The following EGLN2 variants were observed in gnomAD, a reference collection of about 807,000 sequenced individuals.
EGLN2 encodes the protein prolyl hydroxylase EGLN2.
A neutral mutation model predicts 38.2 loss-of-function variants in EGLN2; 15 were observed. The observed-to-expected ratio is 0.39, with a 90% CI of 0.26 to 0.60. The LOEUF (loss-of-function observed/expected upper bound fraction) is 0.60, where lower values mean the gene tolerates loss of function less well. Ranked by LOEUF, EGLN2 falls within the 20% of genes least tolerant of loss-of-function variation. The pLI is 0.50. For missense variants in EGLN2, 492 were observed against 570.4 expected (o/e 0.86, Z 1.40); for synonymous variants, 284 against 237.4 (o/e 1.20, Z -1.81).
Position 40,807,794 on chromosome 19 carries a change from C to T in EGLN2, c.1169-15C>T, listed in dbSNP as rs774310360. On this transcript the variant is annotated splice_polypyrimidine_tract_variant and intron_variant, in intron 5 of 5. Coordinates refer to ENST00000303961, the MANE Select transcript of EGLN2 (RefSeq NM_080732.4). ...TTCTGATGACTCACTGTCTCCTGTC[C>T]CCTCTCACCCCCAGCATCAGGACAG... The T allele has an allele frequency of 1.9e-6, 3 of 1,613,826 alleles. No individual in the cohort carries two copies. The African/African-American group carries it at 4.0e-5, about 22-fold the overall frequency.
At position 40,800,395 on chromosome 19, in the gene EGLN2, G is replaced by T; in HGVS notation, c.-178G>T. On this transcript the variant is annotated 5_prime_UTR_variant, in exon 2 of 6. Coordinates refer to ENST00000303961, the MANE Select transcript of EGLN2 (RefSeq NM_080732.4). The stretch of plus-strand genomic sequence containing the variant: ...GGGACCGCAGAGGACTTGGGGACCA[G>T]CAAGCAACCCCCAGGGCACGAGAAG... The T allele has an allele frequency of 1.0e-6, 1 of 981,768 alleles. No homozygotes were observed. Among genetic ancestry groups the T allele is most frequent in the Non-Finnish European group, 1.4e-6 (1 of 690,390 alleles). The allele number at this position is 981,768 out of a possible 1,614,324, so 60.8% of individuals were successfully genotyped here.
intron 4 of EGLN2, 88 bp from the exon 5 acceptor site, chr19:40,807,396 G>T: frequency 6.2e-7 from 1 of 1,603,664 alleles, no homozygotes; most frequent in Non-Finnish European, 8.5e-7. Flanking sequence ...GAGCAGAACC[G>T]GGTGGCTCAA....
At position 40,800,860 on chromosome 19, in the gene EGLN2, T is replaced by C. The variant is rs2083251081; in HGVS notation, c.288T>C (p.Ala96=). ...TGCGGCCGCTGCAGAGTGAAGGCGC[T>C]GCAGCGCTGGTCACCAAGGGGTGCC... ...GELRPLQSEG[A]AALVTKGCQR... Residue 96 remains alanine, a synonymous_variant, in exon 2 of 6, where the codon GCT becomes GCC. Transcript: ENST00000303961. The C allele has an allele frequency of 1.2e-6, 2 of 1,612,550 alleles. No homozygotes were observed. Among genetic ancestry groups the C allele is most frequent in the Non-Finnish European group, 1.7e-6 (2 of 1,179,702 alleles).
intron 2 of EGLN2, chr19:40,806,234 A>C: frequency 3.0e-6 from 1 of 335,468 alleles, no homozygotes; most frequent in Non-Finnish European, 5.7e-6. Flanking sequence ...TTCTACTGAA[A>C]TGGCTGAGGT....
intron 4 of EGLN2, 84 bp downstream of exon 4, chr19:40,807,358 A>C (rs942942726): frequency 1.9e-6 from 3 of 1,606,690 alleles, no homozygotes; most frequent in Non-Finnish European, 2.6e-6. Flanking sequence ...CTAGGGAGCG[A>C]CGAAGTATTG....
rs1467757095 is a variant in EGLN2 at position 40,801,230 on chromosome 19, C to T, written c.658C>T (p.Arg220Ter). Reference sequence around the variant, plus strand: ...GGCCCTCAAACGGGGTGGGCGCCTGCGAGACGGGCAGCTAGTGAGCCAGAG... The same window carrying T: ...GGCCCTCAAACGGGGTGGGCGCCTGTGAGACGGGCAGCTAGTGAGCCAGAG... Reference protein sequence around the residue: ...VEALKRGGRLRDGQLVSQRAI... With the variant: ...VEALKRGGRL Residue 220 changes from arginine to a stop codon, truncating the protein, a stop_gained, in exon 2 of 6, where the codon CGA (arginine) becomes TGA (stop). Transcript: ENST00000303961. LOFTEE classifies it high-confidence loss of function. The T allele has an allele frequency of 1.2e-6, 2 of 1,612,590 alleles. No homozygotes were observed. The highest frequency in any genetic ancestry group is 1.7e-6 in the Non-Finnish European group (2 of 1,179,926).
In EGLN2 at chr19:40,800,763, C is replaced by T; in HGVS notation, c.191C>T (p.Pro64Leu). Residue 64 changes from proline to leucine, a missense_variant, in exon 2 of 6, where the codon CCC becomes CTC. By Grantham distance (98) the Pro-to-Leu change is moderately conservative (BLOSUM62 -3). Coordinates refer to ENST00000303961, the MANE Select transcript of EGLN2 (RefSeq NM_080732.4). ...PSEASAGSGT[P>L]RATATSTTAS... ...GAGGCCTCGGCAGGGAGTGGGACCC[C>T]CAGAGCCACAGCCACCTCTACCACT... The T allele has an allele frequency of 6.2e-7, 1 of 1,613,456 alleles. No homozygotes were observed.
chr19:40,806,736 C>T (rs1247208014), intron 3 of EGLN2, 62 bp downstream of exon 3: 20 of 1,584,372 alleles, frequency 1.3e-5, no homozygotes, highest in Middle Eastern at 1.7e-4. Flanking sequence ...GGGTGGCGTG[C>T]GTCCACTCCA....
chr19:40,807,516 A>G lies in EGLN2; in HGVS notation c.1133A>G (p.Lys378Arg). The G allele has an allele frequency of 1.9e-6, 3 of 1,614,182 alleles. No individual in the cohort carries two copies. The highest frequency in any genetic ancestry group is 2.5e-6 in the Non-Finnish European group (3 of 1,180,010). The change falls in exon 5 of 6, where the codon AAG becomes AGG. Residue 378 changes from lysine to arginine, a missense_variant. Coordinates refer to ENST00000303961, the MANE Select transcript of EGLN2 (RefSeq NM_080732.4). ...ATCACTGTCTGGTATTTTGATGCCA[A>G]GGAGCGGGCAGCAGCCAAAGACAAG... ...YAITVWYFDA[K>R]ERAAAKDKYQ...
In EGLN2 at chr19:40,799,888, CTCTG is replaced by C. The variant is rs111833532; in HGVS notation, c.-234-447_-234-444del. 56,638 of 144,186 alleles carry C rather than the reference CTCTG, an allele frequency of 0.39. 12,392 individuals are homozygous for C. The highest frequency in any genetic ancestry group is 0.57 in the East Asian group (2,658 of 4,630). The allele number at this position is 144,186 out of a possible 1,614,324, so 8.9% of individuals were successfully genotyped here. On this transcript the variant is annotated intron_variant, in intron 1 of 5. Transcript: ENST00000303961. ...CTTTGTTTTTGGACTCCCCAGTTTC[CTCTG>C]TCTTTTGACCCCCCCGCCCCCACCC...
intron 2 of EGLN2, among the ~76,000 whole-genome samples, chr19:40,802,456 ATG>A: frequency 6.6e-6 from 1 of 152,046 alleles, no homozygotes; most frequent in South Asian, 2.1e-4. Context: ...CTCTGCCTTT[ATG>A]TGTTTGTTCT....
chr19:40,803,367 T>C (rs1282004644), intron 2 of EGLN2: 1 of 152,044 alleles, frequency 6.6e-6, no homozygotes, highest in African/African-American at 2.4e-5. Context: ...TTTGGACTTT[T>C]TTAGCCCTAG....
At chr19:40,806,509 G>A (rs111423724) in intron 2 of EGLN2, 46 bp from the exon 3 acceptor site, 5 of 1,609,804 alleles carry the variant, frequency 3.1e-6, no homozygotes, top group Non-Finnish European at 4.2e-6. Context: ...TCTCTAAGAT[G>A]TGCCTGCCTA....
At position 40,807,131 on chromosome 19, in the gene EGLN2, C is replaced by T. The variant is rs201777248; in HGVS notation, c.964-7C>T. On this transcript the variant is annotated splice_polypyrimidine_tract_variant and splice_region_variant and intron_variant, in intron 3 of 5. Transcript: ENST00000303961. ...CCAGCTAGCCTCATCCTTTGGCCTGCCCCCAGGTGCATGGCGGCCTGCTGC... is the reference window on the plus strand; with the variant it reads ...CCAGCTAGCCTCATCCTTTGGCCTGTCCCCAGGTGCATGGCGGCCTGCTGC... 6.2e-6 allele frequency: 10 copies of T among 1,613,860 alleles called. No homozygotes were observed. Among genetic ancestry groups the T allele is most frequent in the Non-Finnish European group, 8.5e-6 (10 of 1,179,948 alleles).
At position 40,800,465 on chromosome 19, in the gene EGLN2, C is replaced by T. The variant is rs138443949; in HGVS notation, c.-108C>T. 267 of 1,436,538 alleles carry T rather than the reference C, an allele frequency of 1.9e-4. No individual in the cohort carries two copies. The highest frequency in any genetic ancestry group is 2.3e-4 in the Non-Finnish European group (254 of 1,094,748). 89.0% of individuals were successfully genotyped at this position (1,436,538 alleles called of 1,614,324 possible). ...GCCTCACCCTGCCCCACGCCAGGCC[C>T]GGTGGCCCCCAGCTGCATCAAGTGG... is the stretch of plus-strand genomic sequence containing the variant. On this transcript the variant is annotated 5_prime_UTR_variant, in exon 2 of 6. Coordinates refer to ENST00000303961, the MANE Select transcript of EGLN2 (RefSeq NM_080732.4).
rs148078138 is a variant in EGLN2, at chr19:40,800,651, C to T, written c.79C>T (p.Pro27Ser). ...LPGSSSEPLE[P>S]EPGRARMGVE... ...AGGGTCTTCGTCAGAGCCCTTGGAG[C>T]CTGAGCCTGGCCGGGCCAGGATGGG... is the stretch of plus-strand genomic sequence containing the variant. The change falls in exon 2 of 6, where the codon CCT becomes TCT. Residue 27 changes from proline (P) to serine (S), a missense_variant. By Grantham distance (74) the Pro-to-Ser change is moderately conservative. Around this residue, in one of 2 missense-constraint regions of EGLN2, gnomAD observed 378 missense variants for 386.2 expected, o/e 0.98. Coordinates refer to ENST00000303961, the MANE Select transcript of EGLN2 (RefSeq NM_080732.4). The T allele has an allele frequency of 2.5e-6, 4 of 1,613,904 alleles. No individual in the cohort carries two copies. The highest frequency in any genetic ancestry group is 3.3e-5 in the Admixed American group (2 of 60,002).
At chr19:40,803,071 C>T (rs926652043) in intron 2 of EGLN2, 2 of 152,268 alleles carry the variant, frequency 1.3e-5, no homozygotes, top group African/African-American at 2.4e-5. Flanking sequence ...GGGCTTGGCT[C>T]CTGTGCGGGC....
At chr19:40,803,713 T>G (rs1277597763) in intron 2 of EGLN2, among the ~76,000 whole-genome samples, 1 of 152,072 alleles carries the variant, frequency 6.6e-6, no homozygotes, top group Non-Finnish European at 1.5e-5. Context: ...GAGAGTTGAC[T>G]CCCACTGGCA....
chr19:40,800,554 G>C lies in EGLN2; in HGVS notation c.-19G>C, dbSNP rs759394705. On this transcript the variant is annotated 5_prime_UTR_variant, in exon 2 of 6. Coordinates refer to ENST00000303961, the MANE Select transcript of EGLN2 (RefSeq NM_080732.4). ...CCGGGCGGTGCCCTCCATGCCCGGG[G>C]GATGAAGACACTGCTGCCATGGACA... 6.4e-7 allele frequency: 1 copy of C among 1,566,738 alleles called. No homozygotes were observed. Among genetic ancestry groups the C allele is most frequent in the Non-Finnish European group, 8.7e-7 (1 of 1,154,934 alleles).
Sources: gnomAD v4.1 joint callset for allele counts (sites outside exome capture counted in the v4.1 genomes callset) on GRCh38, gnomAD v4.1.1 for gene constraint, gnomAD v4.1.1 regional missense constraint, MANE v1.5 for transcripts, NCBI Gene and HGNC (gene_info 2026-07-23, HGNC 2026-07-21) for gene names.